The following SUGT1 variants were observed in gnomAD, a reference collection of about 807,000 sequenced individuals.
SUGT1 encodes the protein protein SGT1 homolog.
Under a neutral mutation model 56.1 loss-of-function variants are expected in SUGT1, and 15 were observed. The ratio of observed to expected loss-of-function variants is 0.27; its 90% CI spans 0.18 to 0.41. The LOEUF is 0.41. SUGT1 is among the 10% of genes least tolerant of loss of function. SUGT1 has a pLI of 1.00. For missense variants in SUGT1, 347 were observed against 382.2 expected, an observed-to-expected ratio of 0.91 and a Z score of 0.77; for synonymous variants, 123 against 128.6, an observed-to-expected ratio of 0.96 and a Z score of 0.30.
intron 2 of SUGT1, among the ~76,000 whole-genome samples, chr13:52,655,067 C>T (rs1449746896): frequency 2.0e-5 from 3 of 152,188 alleles, no homozygotes; most frequent in Non-Finnish European, 2.9e-5. Context: ...GAAGTGCAGC[C>T]GGGCGCGGTG....
chr13:52,686,753 AT>A (rs1206848398), intron 12 of SUGT1, among the ~76,000 whole-genome samples: 1 of 152,152 alleles, frequency 6.6e-6, no homozygotes, highest in East Asian at 1.9e-4. Context: ...AAATCCATTG[AT>A]TTTTATCATG....
chr13:52,694,921 C>A lies in SUGT1; in HGVS notation c.*7086C>A, dbSNP rs532217761. The A allele has an allele frequency of 6.6e-6, 1 of 152,304 alleles. No homozygotes were observed. The highest frequency in any genetic ancestry group is 1.5e-5 in the Non-Finnish European group (1 of 68,106). The allele number at this position is 152,304 out of a possible 1,614,324, so 9.4% of individuals were successfully genotyped here. ...AGCCAGGATGGTCTCATCTCCTGAT[C>A]TTGTGACCCGCCCGCCTCGGCCTCC... is the stretch of plus-strand genomic sequence containing the variant. On this transcript the variant is annotated 3_prime_UTR_variant, in exon 13 of 13. Transcript: ENST00000310528.
intron 10 of SUGT1, among the ~76,000 whole-genome samples, chr13:52,668,962 GT>G (rs1481074210): frequency 6.6e-6 from 1 of 152,152 alleles, no homozygotes; most frequent in African/African-American, 2.4e-5. Context: ...ATCATGTGTG[GT>G]AAATACATAG....
chr13:52,681,911 T>C (rs1315895210), intron 12 of SUGT1, among the ~76,000 whole-genome samples: 1 of 19,776 alleles, frequency 5.1e-5, no homozygotes, highest in African/African-American at 2.4e-4. Flanking sequence ...TGCTATCTTA[T>C]GGCCATACTA....
intron 12 of SUGT1, among the ~76,000 whole-genome samples, chr13:52,681,960 A>G (rs561841885): frequency 8.5e-6 from 1 of 117,352 alleles, no homozygotes; most frequent in East Asian, 2.5e-4. Context: ...GATGATCACA[A>G]ATCTGGCAAT....
chr13:52,666,693 C>T, intron 9 of SUGT1, 119 bp from the exon 10 acceptor site: 2 of 698,286 alleles, frequency 2.9e-6, no homozygotes, highest in South Asian at 1.9e-5. Context: ...TCTAAAATTC[C>T]ATATATAATG....
rs368097315 is a variant in SUGT1, at chr13:52,658,475, A to G, written c.257+7A>G. On this transcript the variant is annotated splice_region_variant and intron_variant, in intron 4 of 12. Transcript: ENST00000310528. ...CTGCTATGCTGAGAAAAGGGTATGC[A>G]GTAGCTACTCTTCTTGTTGAGCTTG... is the stretch of plus-strand genomic sequence containing the variant. 71 of 1,607,836 alleles carry G rather than the reference A, an allele frequency of 4.4e-5. No homozygotes were observed. The Admixed American group carries it at 8.4e-4, about 19-fold the overall frequency.
At chr13:52,657,373 T>C (rs1277685629) in intron 2 of SUGT1, among the ~76,000 whole-genome samples, 159 bp from the exon 3 acceptor site, 2 of 152,208 alleles carry the variant, frequency 1.3e-5, no homozygotes, top group Non-Finnish European at 1.5e-5. Context: ...GGGGGAGATA[T>C]TGATCCTTTT....
rs1395464419 is a variant in SUGT1 at position 52,691,128 on chromosome 13, A to G, written c.*3293A>G. On this transcript the variant is annotated 3_prime_UTR_variant, in exon 13 of 13. Transcript: ENST00000310528. ...CTCCCAAGTAGCTGGGACCACAGGCATGCATCACCACGACTGGCTAATTTT... is the reference window on the plus strand; with the variant it reads ...CTCCCAAGTAGCTGGGACCACAGGCGTGCATCACCACGACTGGCTAATTTT... 6.6e-6 allele frequency: 1 copy of G among 152,112 alleles called. No individual in the cohort carries two copies. The highest frequency in any genetic ancestry group is 1.5e-5 in the Non-Finnish European group (1 of 68,052). 9.4% of individuals were successfully genotyped at this position (152,112 alleles called of 1,614,324 possible). A position where few individuals can be genotyped will look rare whatever the true frequency, so the allele number is the denominator to read the frequency against.
intron 10 of SUGT1, among the ~76,000 whole-genome samples, chr13:52,673,490 C>G (rs79796660): frequency 0.011 from 1,727 of 152,284 alleles, 33 homozygotes; most frequent in African/African-American, 0.039. Context: ...AGTATAATTT[C>G]AAGTTGAGGT....
At chr13:52,685,193 A>G (rs1193563970) in intron 12 of SUGT1, among the ~76,000 whole-genome samples, 1 of 150,856 alleles carries the variant, frequency 6.6e-6, no homozygotes, top group Non-Finnish European at 1.5e-5. Flanking sequence ...GAGCCTCCTA[A>G]GTAGCTTGCA....
At chr13:52,680,316 A>G (rs1321682270) in intron 12 of SUGT1, among the ~76,000 whole-genome samples, 161 bp downstream of exon 12, 1 of 152,186 alleles carries the variant, frequency 6.6e-6, no homozygotes, top group East Asian at 1.9e-4. Context: ...GTAATTTTTG[A>G]GGAAGTTGAA....
chr13:52,693,036 A>G lies in SUGT1; in HGVS notation c.*5201A>G, dbSNP rs929089396. Reference sequence around the variant, plus strand: ...AAGGTTTTATTCCTACAGACATGTTAGGATTTGTGTATCACTGATTTCTCC... The same window carrying G: ...AAGGTTTTATTCCTACAGACATGTTGGGATTTGTGTATCACTGATTTCTCC... On this transcript the variant is annotated 3_prime_UTR_variant, in exon 13 of 13. Transcript: ENST00000310528. The G allele has an allele frequency of 3.3e-5, 5 of 152,182 alleles. No individual in the cohort carries two copies. Among genetic ancestry groups the G allele is most frequent in the African/African-American group, 4.8e-5 (2 of 41,440 alleles). 9.4% of individuals were successfully genotyped at this position (152,182 alleles called of 1,614,324 possible).
In SUGT1 at chr13:52,691,333, T is replaced by C. The variant is rs1353743304; in HGVS notation, c.*3498T>C. On this transcript the variant is annotated 3_prime_UTR_variant, in exon 13 of 13. Transcript: ENST00000310528. The stretch of plus-strand genomic sequence containing the variant: ...ATGGAGATACATCACAATGCTATTA[T>C]GAATAATTTAGATAGAAATTTTAAT... 5 of 152,184 alleles carry C rather than the reference T, an allele frequency of 3.3e-5. No homozygotes were observed. The East Asian group carries it at 5.8e-4, about 18-fold the overall frequency. The allele number at this position is 152,184 out of a possible 1,614,324, so 9.4% of individuals were successfully genotyped here.
rs751944898 is a variant in SUGT1 at position 52,679,772 on chromosome 13, A to G, written c.719-202A>G. The stretch of plus-strand genomic sequence containing the variant: ...TGCTCAAAAGAAATCCCCAGATTTT[A>G]CATTATGGTAACTGACTCAGTTTTT... On this transcript the variant is annotated intron_variant, in intron 11 of 12. Coordinates refer to ENST00000310528, the MANE Select transcript of SUGT1 (RefSeq NM_006704.5). Among the ~76,000 whole-genome samples the G allele has an allele frequency of 5.4e-4, 82 of 152,338 alleles. 1 individual carries two copies. The Middle Eastern group carries it at 0.014, about 25-fold the overall frequency.
At position 52,693,713 on chromosome 13, in the gene SUGT1, G is replaced by C. The variant is rs935880794; in HGVS notation, c.*5878G>C. On this transcript the variant is annotated 3_prime_UTR_variant, in exon 13 of 13. Transcript: ENST00000310528. ...AGAAGGCTCAAAATACTAATGTTTT[G>C]TGTGTGTGTGTGTGTGTGCATGTGC... 1 of 150,360 alleles carries C rather than the reference G, an allele frequency of 6.7e-6. No homozygotes were observed. Among genetic ancestry groups the C allele is most frequent in the Non-Finnish European group, 1.5e-5 (1 of 67,426 alleles). The allele number at this position is 150,360 out of a possible 1,614,324, so 9.3% of individuals were successfully genotyped here. A position where few individuals can be genotyped will look rare whatever the true frequency, so the allele number is the denominator to read the frequency against.
At position 52,658,425 on chromosome 13, in the gene SUGT1, C is replaced by G; in HGVS notation, c.214C>G (p.Leu72Val). The change falls in exon 4 of 13, where the codon CTA becomes GTA. Residue 72 changes from leucine (L) to valine (V), a missense_variant. Physicochemically the swap from Leu to Val is conservative, Grantham distance 32. Coordinates refer to ENST00000310528, the MANE Select transcript of SUGT1 (RefSeq NM_006704.5). ...TGCTGTTGCTGATGCAAAGAAGTCT[C>G]TAGAACTCAATCCAAATAATTCCAC... is the stretch of plus-strand genomic sequence containing the variant. ...CVAVADAKKS[L>V]ELNPNNSTAM... 1 of 1,613,036 alleles carries G rather than the reference C, an allele frequency of 6.2e-7. No homozygotes were observed. The highest frequency in any genetic ancestry group is 8.5e-7 in the Non-Finnish European group (1 of 1,179,688).
chr13:52,662,541 T>TGGTGAG, intron 5 of SUGT1, 108 bp from the exon 6 acceptor site: 2 of 1,031,360 alleles, frequency 1.9e-6, no homozygotes, highest in Admixed American at 2.1e-5. Context: ...CGCTGCCGAC[T>TGGTGAG]CCCCAGTGCC....
At chr13:52,658,255 A>G (rs1962257141) in intron 3 of SUGT1, 144 bp from the exon 4 acceptor site, 4 of 1,521,704 alleles carry the variant, frequency 2.6e-6, no homozygotes, top group African/African-American at 2.8e-5. Flanking sequence ...TTTGAATTCT[A>G]TCTTGTATTA....
Sources: allele counts gnomAD v4.1 joint callset (sites outside exome capture counted in the v4.1 genomes callset), GRCh38; gene constraint gnomAD v4.1.1; transcripts MANE v1.5; gene names NCBI Gene and HGNC (gene_info 2026-07-23, HGNC 2026-07-21).